Variants in LAMB1 observed in about 807,000 individuals in gnomAD.
LAMB1 encodes laminin subunit beta 1, also known as laminin subunit beta-1.
A neutral mutation model predicts 222.3 loss-of-function variants in LAMB1; 121 were observed. The ratio of observed to expected loss-of-function variants is 0.54; its 90% CI spans 0.47 to 0.63. LAMB1 has a LOEUF of 0.63. LAMB1 is among the 30% of genes least tolerant of loss of function. LAMB1 has a pLI of 0.00. For synonymous variants in LAMB1, 794 were observed against 807.2 expected (o/e 0.98, Z 0.28); for missense variants, 2,172 against 2,240.8 (o/e 0.97, Z 0.62).
At chr7:107,978,571 T>G (rs2033914630) in intron 8 of LAMB1, among the ~76,000 whole-genome samples, 1 of 152,148 alleles carries the variant, frequency 6.6e-6, no homozygotes, top group South Asian at 2.1e-4. Flanking sequence ...GGAAACCAAT[T>G]TATATTACTG....
chr7:107,924,614 G>C (rs1287510866), intron 32 of LAMB1, among the ~76,000 whole-genome samples: 1 of 152,180 alleles, frequency 6.6e-6, no homozygotes, highest in Non-Finnish European at 1.5e-5. Flanking sequence ...AATCCTTAGG[G>C]CTAAGTCCTC....
rs1289289025 is a variant in LAMB1, at chr7:107,937,096, G to A, written c.3943C>T (p.Arg1315Trp). Residue 1315 changes from arginine (R) to tryptophan (W), a missense_variant, in exon 26 of 34, where the codon CGG becomes TGG. Arg to Trp is a moderately radical substitution (Grantham distance 101, BLOSUM62 -3). Transcript: ENST00000222399. ...QLEFIKNSDI[R>W]GALDSITKYF... ...ATTTGCACCAAAAAATGCTCACCCCGAATATCTGAGTTTTTGATAAATTCC... is the reference window on the plus strand; with the variant it reads ...ATTTGCACCAAAAAATGCTCACCCCAAATATCTGAGTTTTTGATAAATTCC... 2.2e-5 allele frequency: 35 copies of A among 1,613,084 alleles called. No individual in the cohort carries two copies. The highest frequency in any genetic ancestry group is 2.7e-5 in the Non-Finnish European group (32 of 1,179,416).
intron 7 of LAMB1, among the ~76,000 whole-genome samples, chr7:107,981,703 T>A (rs1415289265): frequency 1.3e-5 from 2 of 152,166 alleles, no homozygotes; most frequent in Admixed American, 1.3e-4. Context: ...CCACAGCAAT[T>A]AATGTCAGTT....
chr7:107,979,895 G>T (rs925382047), intron 8 of LAMB1, among the ~76,000 whole-genome samples: 3 of 152,162 alleles, frequency 2.0e-5, no homozygotes, highest in Admixed American at 6.5e-5. Flanking sequence ...CCAATATGGA[G>T]AAGCCCTGTC....
chr7:107,950,746 G>A (rs578176865), intron 24 of LAMB1, among the ~76,000 whole-genome samples: 1 of 152,262 alleles, frequency 6.6e-6, no homozygotes, highest in African/African-American at 2.4e-5. Flanking sequence ...GAGTCTAGTT[G>A]ATCCACTGAA....
chr7:107,990,126 C>T (rs975220778), intron 5 of LAMB1, among the ~76,000 whole-genome samples: 1 of 151,980 alleles, frequency 6.6e-6, no homozygotes, highest in Non-Finnish European at 1.5e-5. Context: ...GCAGCCTTGA[C>T]CTCCCGGGCT....
intron 27 of LAMB1, 117 bp downstream of exon 27, chr7:107,935,298 T>C: frequency 6.8e-7 from 1 of 1,465,402 alleles, no homozygotes; most frequent in Non-Finnish European, 9.1e-7. Flanking sequence ...TCCTGCTGAT[T>C]CATTTGCAAA....
At chr7:108,001,758 T>C (rs2034390068) in intron 2 of LAMB1, 25 bp from the exon 3 acceptor site, 3 of 1,605,884 alleles carry the variant, frequency 1.9e-6, no homozygotes, top group African/African-American at 1.4e-5. Flanking sequence ...GGCAACAGAG[T>C]TGGGGGGACA....
At chr7:107,953,978 G>A (rs958971875) in intron 21 of LAMB1, among the ~76,000 whole-genome samples, 2 of 152,156 alleles carry the variant, frequency 1.3e-5, no homozygotes, top group African/African-American at 4.8e-5. Context: ...GTAACTTTTT[G>A]CACCAATCTA....
rs200618726 is a variant in LAMB1, at chr7:107,937,056, C to T, written c.3946+37G>A. 5.9e-6 allele frequency: 9 copies of T among 1,537,798 alleles called. No individual in the cohort carries two copies. The Admixed American group carries it at 1.2e-4, about 21-fold the overall frequency. ...TAAAACGTTAGACATATCGTTAAATCCATTGTCTGGGACTATTTGCACCAA... is the reference window on the plus strand; with the variant it reads ...TAAAACGTTAGACATATCGTTAAATTCATTGTCTGGGACTATTTGCACCAA... On this transcript the variant is annotated intron_variant, in intron 26 of 33. Coordinates refer to ENST00000222399, the MANE Select transcript of LAMB1 (RefSeq NM_002291.3).
Position 107,926,260 on chromosome 7 carries a change from C to T in LAMB1, c.4987G>A (p.Ala1663Thr), listed in dbSNP as rs1453809233. Reference sequence around the variant, plus strand: ...TATTCTGCCTCCCCGGAGTTTTGGGCAGCTTTCCGCTTAAGTTCTTCCACA... The same window carrying T: ...TATTCTGCCTCCCCGGAGTTTTGGGTAGCTTTCCGCTTAAGTTCTTCCACA... ...RNVEELKRKA[A>T]QNSGEAEYIE... The change falls in exon 32 of 34, where the codon GCC becomes ACC. Residue 1663 changes from alanine (A) to threonine (T), a missense_variant. By Grantham distance (58) the Ala-to-Thr change is moderately conservative. Coordinates refer to ENST00000222399, the MANE Select transcript of LAMB1 (RefSeq NM_002291.3). 1.2e-6 allele frequency: 2 copies of T among 1,614,006 alleles called. No individual in the cohort carries two copies. The highest frequency in any genetic ancestry group is 4.5e-5 in the East Asian group (2 of 44,878).
At chr7:107,990,036 TGTTTG>T (rs1246588524) in intron 5 of LAMB1, among the ~76,000 whole-genome samples, 1 of 150,906 alleles carries the variant, frequency 6.6e-6, no homozygotes, top group African/African-American at 2.5e-5. Context: ...TGTTTTTTTT[TGTTTG>T]TTTGTTTTGT....
At chr7:107,985,524 G>A (rs529111482) in intron 7 of LAMB1, among the ~76,000 whole-genome samples, 447 of 152,256 alleles carry the variant, frequency 2.9e-3, no homozygotes, top group Non-Finnish European at 4.9e-3. Flanking sequence ...AGCTACTCGG[G>A]AGGCTGAGGC....
At chr7:107,927,571 A>T (rs554096352) in intron 31 of LAMB1, among the ~76,000 whole-genome samples, 2 of 152,034 alleles carry the variant, frequency 1.3e-5, no homozygotes, top group East Asian at 3.9e-4. Context: ...TCTCACCTCC[A>T]CCTCCCAAGT....
At chr7:107,945,332 A>C (rs1005007518) in intron 24 of LAMB1, among the ~76,000 whole-genome samples, 3 of 152,238 alleles carry the variant, frequency 2.0e-5, no homozygotes, top group African/African-American at 7.2e-5. Flanking sequence ...CCCATTTATC[A>C]CATAGACCTA....
intron 22 of LAMB1, 63 bp from the exon 23 acceptor site, chr7:107,952,286 A>C (rs754859948): frequency 1.8e-5 from 22 of 1,240,948 alleles, no homozygotes; most frequent in Non-Finnish European, 2.3e-5. Flanking sequence ...TGCGGATGTT[A>C]GCCACATCTA....
intron 1 of LAMB1, 25 bp downstream of exon 1, chr7:108,003,086 C>G: frequency 8.4e-7 from 1 of 1,195,274 alleles, no homozygotes; most frequent in Admixed American, 2.9e-5. Flanking sequence ...TGGGGAAAAT[C>G]GTGCAGCCAC....
At chr7:108,000,931 G>A (rs1386403230) in intron 3 of LAMB1, among the ~76,000 whole-genome samples, 1 of 152,220 alleles carries the variant, frequency 6.6e-6, no homozygotes, top group Non-Finnish European at 1.5e-5. Context: ...TTTTGACTTT[G>A]TATAAATATG....
intron 25 of LAMB1, among the ~76,000 whole-genome samples, chr7:107,938,424 T>G (rs76415464): frequency 6.7e-6 from 1 of 148,602 alleles, no homozygotes; most frequent in Admixed American, 6.7e-5. Flanking sequence ...CAATTTTTTT[T>G]AAAACAAGCA....
Sources: allele counts gnomAD v4.1 joint callset (sites outside exome capture counted in the v4.1 genomes callset), GRCh38; gene constraint gnomAD v4.1.1; transcripts MANE v1.5; gene names NCBI Gene and HGNC (gene_info 2026-07-23, HGNC 2026-07-21).